PRSS54: variants seen among roughly 807,000 people sequenced by gnomAD.
The protein encoded by PRSS54 is inactive serine protease 54.
In PRSS54, 16 loss-of-function variants were observed where a neutral mutation model predicts 19.9. The observed-to-expected ratio is 0.80, with a 90% CI of 0.54 to 1.22. The LOEUF is 1.22. PRSS54 is among the 50% of genes most tolerant of loss of function. The probability of loss-of-function intolerance (pLI) is 0.00; values close to 1 mark genes in which losing one functional copy is unlikely to be tolerated. For missense variants in PRSS54, 444 were observed against 494.8 expected (o/e 0.90, Z 0.97); for synonymous variants, 177 against 195.8 (o/e 0.90, Z 0.80).
Position 58,286,195 on chromosome 16 carries a change from C to A in PRSS54, c.264G>T (p.Arg88Ser), listed in dbSNP as rs1388411592. 3 of 1,613,726 alleles carry A rather than the reference C, an allele frequency of 1.9e-6. No individual in the cohort carries two copies. The highest frequency in any genetic ancestry group is 2.5e-6 in the Non-Finnish European group (3 of 1,179,708). Residue 88 changes from arginine (R) to serine (S), a missense_variant and splice_region_variant, in exon 5 of 7, where the codon AGG becomes AGT. Coordinates refer to ENST00000567164, the MANE Select transcript of PRSS54 (RefSeq NM_001305173.2). Reference protein sequence around the residue: ...VLSIASAIQNRKDIVVIVGIS... With the variant: ...VLSIASAIQNSKDIVVIVGIS... ...TACCCACTATAACGACAATGTCCTT[C>A]CTGGAGAGAGAGCAAGGGAATCTTG...
In PRSS54 at chr16:58,291,258, A is replaced by C. The variant is rs574788077; in HGVS notation, c.86-122T>G. The C allele has an allele frequency of 1.0e-5, 9 of 885,608 alleles. No individual in the cohort carries two copies. In the East Asian group the frequency reaches 2.4e-4, roughly 24 times the overall value. The allele number at this position is 885,608 out of a possible 1,614,324, so 54.9% of individuals were successfully genotyped here. On this transcript the variant is annotated intron_variant, in intron 3 of 6. Transcript: ENST00000567164. Reference sequence around the variant, plus strand: ...GCAACCCCTTTTCTTTCTTTTGCCTAGTGTGTCTTCTTCACCCTAAAAGAT... The same window carrying C: ...GCAACCCCTTTTCTTTCTTTTGCCTCGTGTGTCTTCTTCACCCTAAAAGAT...
At chr16:58,290,625 T>C (rs1203931788) in intron 4 of PRSS54, among the ~76,000 whole-genome samples, 1 of 152,210 alleles carries the variant, frequency 6.6e-6, no homozygotes, top group South Asian at 2.1e-4. Flanking sequence ...AGGGCTCCTA[T>C]TGACTGGTTG....
chr16:58,291,282 A>T, intron 3 of PRSS54, 146 bp from the exon 4 acceptor site: 1 of 719,916 alleles, frequency 1.4e-6, no homozygotes, highest in Non-Finnish European at 2.2e-6. Context: ...ACCCTAAAAG[A>T]TGCTCAGTGG....
At chr16:58,284,360 T>G in intron 6 of PRSS54, 1 of 471,192 alleles carries the variant, frequency 2.1e-6, no homozygotes, top group Non-Finnish European at 3.8e-6. Context: ...CACCTGTGAC[T>G]TAGACAAGCT....
chr16:58,287,068 C>A (rs772555572), intron 4 of PRSS54, among the ~76,000 whole-genome samples: 1 of 152,130 alleles, frequency 6.6e-6, no homozygotes, highest in African/African-American at 2.4e-5. Flanking sequence ...AAGGCCGTCA[C>A]AGGAGAACCA....
At chr16:58,287,037 C>T (rs558291060) in intron 4 of PRSS54, among the ~76,000 whole-genome samples, 3 of 152,116 alleles carry the variant, frequency 2.0e-5, no homozygotes, top group Admixed American at 2.0e-4. Flanking sequence ...TTTTTAAAGG[C>T]TTGAGAGGAA....
At chr16:58,282,708 T>A (rs1964801229) in intron 6 of PRSS54, 1 of 152,258 alleles carries the variant, frequency 6.6e-6, no homozygotes, top group Admixed American at 6.5e-5. Context: ...GAAGAGGCCC[T>A]TGTGTGCACC....
intron 2 of PRSS54, 48 bp downstream of exon 2, chr16:58,293,937 G>T (rs1242181746): frequency 5.8e-6 from 5 of 858,126 alleles, no homozygotes; most frequent in Non-Finnish European, 9.4e-6. Context: ...AACATCAGAG[G>T]CTCCCCCTCT....
In PRSS54 at chr16:58,286,208, C is replaced by G; in HGVS notation, c.264-13G>C. Reference sequence around the variant, plus strand: ...GACAATGTCCTTCCTGGAGAGAGAGCAAGGGAATCTTGAGAAGCCAAGACA... The same window carrying G: ...GACAATGTCCTTCCTGGAGAGAGAGGAAGGGAATCTTGAGAAGCCAAGACA... On this transcript the variant is annotated splice_polypyrimidine_tract_variant and intron_variant, in intron 4 of 6. Transcript: ENST00000567164. 6.2e-7 allele frequency: 1 copy of G among 1,612,660 alleles called. No individual in the cohort carries two copies. Among genetic ancestry groups the G allele is most frequent in the Non-Finnish European group, 8.5e-7 (1 of 1,178,886 alleles).
chr16:58,289,482 A>G (rs1466857271), intron 4 of PRSS54, among the ~76,000 whole-genome samples: 3 of 152,196 alleles, frequency 2.0e-5, no homozygotes, highest in South Asian at 2.1e-4. Context: ...AATGTGGCTC[A>G]AGGGAGAAAA....
chr16:58,283,703 G>C (rs1261988279), intron 6 of PRSS54: 1 of 152,150 alleles, frequency 6.6e-6, no homozygotes, highest in Non-Finnish European at 1.5e-5. Context: ...AAATTGTTAA[G>C]ATCCCCCACC....
At chr16:58,293,946 C>T in intron 2 of PRSS54, 39 bp downstream of exon 2, 1 of 799,520 alleles carries the variant, frequency 1.3e-6, no homozygotes. Context: ...GGCTCCCCCT[C>T]TTTCTACTAA....
chr16:58,289,210 C>G (rs1964984998), intron 4 of PRSS54, among the ~76,000 whole-genome samples: 1 of 152,246 alleles, frequency 6.6e-6, no homozygotes, highest in Non-Finnish European at 1.5e-5. Context: ...TCTGCAAGCC[C>G]AGGAGAGAGG....
chr16:58,292,788 T>C (rs751074392), intron 3 of PRSS54, among the ~76,000 whole-genome samples: 5 of 152,234 alleles, frequency 3.3e-5, no homozygotes, highest in Non-Finnish European at 7.3e-5. Flanking sequence ...GAGTGTGTGA[T>C]GACTTTTGCT....
At position 58,286,758 on chromosome 16, in the gene PRSS54, G is replaced by A. The variant is rs111711028; in HGVS notation, c.264-563C>T. Among the ~76,000 whole-genome samples the A allele has an allele frequency of 7.8e-3, 1,182 of 152,230 alleles. 6 individuals are homozygous for A. The highest frequency in any genetic ancestry group is 0.013 in the South Asian group (63 of 4,826). ...TACAAACACCGTAAAACCAAGAGAC[G>A]CTAAAGAATCCAAATCTCAGAGTCA... is the stretch of plus-strand genomic sequence containing the variant. On this transcript the variant is annotated intron_variant, in intron 4 of 6. Transcript: ENST00000567164.
intron 4 of PRSS54, among the ~76,000 whole-genome samples, chr16:58,290,223 C>T (rs916270942): frequency 1.4e-4 from 21 of 150,932 alleles, no homozygotes; most frequent in Admixed American, 3.3e-4. Context: ...AATTTCATCC[C>T]GATAGTGGGA....
intron 6 of PRSS54, chr16:58,282,485 A>C (rs1049926166): frequency 6.6e-6 from 1 of 152,388 alleles, no homozygotes; most frequent in Non-Finnish European, 1.5e-5. Flanking sequence ...GCCACACCAG[A>C]ACAGAGATGA....
Position 58,293,613 on chromosome 16 carries a change from C to T in PRSS54, c.85+119G>A, listed in dbSNP as rs558473910. 4.1e-5 allele frequency: 62 copies of T among 1,517,106 alleles called. No individual in the cohort carries two copies. The South Asian group carries it at 4.8e-4, about 12-fold the overall frequency. 94.0% of individuals were successfully genotyped at this position (1,517,106 alleles called of 1,614,324 possible). A position where few individuals can be genotyped will look rare whatever the true frequency, so the allele number is the denominator to read the frequency against. ...ATGCAGGCCGCCCGGTGCAAAGTGC[C>T]GTGAGTCATCTTCCCTGAGCCCCTC... On this transcript the variant is annotated intron_variant, in intron 3 of 6. Transcript: ENST00000567164.
Position 58,280,122 on chromosome 16 carries a change from C to A in PRSS54, c.*102G>T. The A allele has an allele frequency of 8.3e-7, 1 of 1,210,678 alleles. No individual in the cohort carries two copies. Among genetic ancestry groups the A allele is most frequent in the Non-Finnish European group, 1.2e-6 (1 of 857,250 alleles). The allele number at this position is 1,210,678 out of a possible 1,614,324, so 75.0% of individuals were successfully genotyped here. ...ATGCCATGGGCTTATCCGTGGCAGCCCCAGTGTGCAACTATCAAAAACAGA... is the reference window on the plus strand; with the variant it reads ...ATGCCATGGGCTTATCCGTGGCAGCACCAGTGTGCAACTATCAAAAACAGA... On this transcript the variant is annotated 3_prime_UTR_variant, in exon 7 of 7. Coordinates refer to ENST00000567164, the MANE Select transcript of PRSS54 (RefSeq NM_001305173.2).
Sources: gnomAD v4.1 joint callset for allele counts (sites outside exome capture counted in the v4.1 genomes callset) on GRCh38, gnomAD v4.1.1 for gene constraint, MANE v1.5 for transcripts, NCBI Gene and HGNC (gene_info 2026-07-23, HGNC 2026-07-21) for gene names.